The following CHRM3 variants were observed in gnomAD, a reference collection of about 807,000 sequenced individuals.
CHRM3 encodes cholinergic receptor muscarinic 3.
In CHRM3, 11 loss-of-function variants were observed where a neutral mutation model predicts 41.8. The observed-to-expected ratio is 0.26, with a 90% CI of 0.17 to 0.44. CHRM3 has a LOEUF of 0.44. Among genes scored for constraint, CHRM3 ranks in the 20% least tolerant of loss-of-function variants. The probability of loss-of-function intolerance (pLI) is 1.00; values close to 1 mark genes in which losing one functional copy is unlikely to be tolerated. For missense variants in CHRM3, 571 were observed against 745.4 expected (o/e 0.77, Z 2.72); for synonymous variants, 297 against 301.4 (o/e 0.99, Z 0.15).
intron 6 of CHRM3, among the ~76,000 whole-genome samples, chr1:239,839,218 C>T (rs1301240423): frequency 6.6e-6 from 1 of 152,184 alleles, no homozygotes; most frequent in Admixed American, 6.5e-5. Flanking sequence ...AGGACTGAAA[C>T]TTGGATAGGT....
At chr1:239,600,767 C>A (rs1026953339) in intron 3 of CHRM3, among the ~76,000 whole-genome samples, 4 of 150,420 alleles carry the variant, frequency 2.7e-5, no homozygotes, top group Non-Finnish European at 5.9e-5. Flanking sequence ...TTCCTTCCTT[C>A]CTTTTTCTTC....
intron 2 of CHRM3, among the ~76,000 whole-genome samples, chr1:239,535,272 T>G (rs764995804): frequency 6.6e-6 from 1 of 152,062 alleles, no homozygotes; most frequent in Non-Finnish European, 1.5e-5. Flanking sequence ...TTAAACTCAC[T>G]TGGAGAATTC....
At chr1:239,871,406 T>A (rs1428455114) in intron 6 of CHRM3, among the ~76,000 whole-genome samples, 1 of 152,070 alleles carries the variant, frequency 6.6e-6, no homozygotes, top group African/African-American at 2.4e-5. Flanking sequence ...CATGCCCAGC[T>A]AATTTTTGTA....
chr1:239,526,957 T>C (rs1330814322), intron 2 of CHRM3, among the ~76,000 whole-genome samples: 1 of 152,004 alleles, frequency 6.6e-6, no homozygotes, highest in Non-Finnish European at 1.5e-5. Flanking sequence ...CCTGTCTCTA[T>C]AAAGATATTT....
At chr1:239,482,527 T>C (rs1296854545) in intron 1 of CHRM3, among the ~76,000 whole-genome samples, 1 of 152,170 alleles carries the variant, frequency 6.6e-6, no homozygotes, top group Non-Finnish European at 1.5e-5. Flanking sequence ...ACTACTCTTC[T>C]CCTCACTGTC....
chr1:239,898,986 C>T (rs1160431617), intron 6 of CHRM3, among the ~76,000 whole-genome samples: 1 of 152,002 alleles, frequency 6.6e-6, no homozygotes, highest in Non-Finnish European at 1.5e-5. Context: ...ACTTTTTTGT[C>T]TTTTTTCACA....
chr1:239,401,705 A>G (rs571524073), intron 1 of CHRM3, among the ~76,000 whole-genome samples: 3 of 152,000 alleles, frequency 2.0e-5, no homozygotes, highest in Admixed American at 6.6e-5. Context: ...GTTGGCCAGG[A>G]TGGTCTCGAT....
intron 6 of CHRM3, among the ~76,000 whole-genome samples, chr1:239,854,385 AAAC>A (rs1324022273): frequency 6.6e-6 from 1 of 151,898 alleles, no homozygotes; most frequent in East Asian, 1.9e-4. Flanking sequence ...TGAACAACAA[AAAC>A]AACAACAACA....
chr1:239,517,418 G>T (rs986892220), intron 2 of CHRM3, among the ~76,000 whole-genome samples: 1 of 152,128 alleles, frequency 6.6e-6, no homozygotes, highest in African/African-American at 2.4e-5. Flanking sequence ...CAAGCTGCCC[G>T]ACTTCTCAAA....
At chr1:239,772,706 A>G (rs1315516580) in intron 5 of CHRM3, among the ~76,000 whole-genome samples, 1 of 151,952 alleles carries the variant, frequency 6.6e-6, no homozygotes, top group Non-Finnish European at 1.5e-5. Context: ...ACTGTACATG[A>G]TGCCTTTCTG....
chr1:239,752,990 T>A (rs912649369), intron 5 of CHRM3, among the ~76,000 whole-genome samples: 6 of 152,232 alleles, frequency 3.9e-5, no homozygotes, highest in Admixed American at 6.5e-5. Context: ...GCAATTTTTT[T>A]AAATTTCTCT....
chr1:239,764,635 A>T (rs1374379186), intron 5 of CHRM3, among the ~76,000 whole-genome samples: 1 of 152,360 alleles, frequency 6.6e-6, no homozygotes. Flanking sequence ...GTGCCTACAG[A>T]TGCCTGCTGC....
intron 3 of CHRM3, among the ~76,000 whole-genome samples, chr1:239,615,968 G>A (rs1667584314): frequency 6.6e-6 from 1 of 152,138 alleles, no homozygotes; most frequent in South Asian, 2.1e-4. Flanking sequence ...TCTCCAGTAA[G>A]CAACCTAATC....
intron 5 of CHRM3, among the ~76,000 whole-genome samples, chr1:239,812,510 G>C (rs979008335): frequency 6.6e-6 from 1 of 152,174 alleles, no homozygotes; most frequent in Non-Finnish European, 1.5e-5. Flanking sequence ...GGAGATTAGA[G>C]GGTTTTTGCA....
chr1:239,625,725 T>C lies in CHRM3; in HGVS notation c.-312-6499T>C, dbSNP rs1382805442. Among the ~76,000 whole-genome samples the C allele has an allele frequency of 5.3e-4, 15 of 28,440 alleles. 4 individuals carry two copies. Among genetic ancestry groups the C allele is most frequent in the Admixed American group, 1.7e-3 (5 of 2,984 alleles). 18.7% of individuals were successfully genotyped at this position (28,440 alleles called of 152,430 possible). A position where few individuals can be genotyped will look rare whatever the true frequency, so the allele number is the denominator to read the frequency against. On this transcript the variant is annotated intron_variant, in intron 3 of 6. Transcript: ENST00000676153. ...TTTAGCATGAAGGGTTGTTGAATTT[T>C]GTCAAAGGCTTTTTCTGCATCTATT...
chr1:239,568,275 G>A (rs925758679), intron 3 of CHRM3, among the ~76,000 whole-genome samples: 3 of 152,102 alleles, frequency 2.0e-5, no homozygotes, highest in African/African-American at 4.8e-5. Context: ...CACCTGTTAC[G>A]GGAGGGACCT....
At chr1:239,660,381 A>T (rs1673080014) in intron 4 of CHRM3, among the ~76,000 whole-genome samples, 1 of 151,996 alleles carries the variant, frequency 6.6e-6, no homozygotes, top group Admixed American at 6.6e-5. Context: ...TCAGCTTCTT[A>T]CAACTTTCTT....
chr1:239,881,100 G>A (rs1451768647), intron 6 of CHRM3, among the ~76,000 whole-genome samples: 6 of 151,864 alleles, frequency 4.0e-5, no homozygotes, highest in Non-Finnish European at 8.8e-5. Flanking sequence ...TGGCTAACAC[G>A]GTGAAACCCC....
At chr1:239,459,700 C>A (rs1161778194) in intron 1 of CHRM3, among the ~76,000 whole-genome samples, 1 of 152,114 alleles carries the variant, frequency 6.6e-6, no homozygotes, top group Non-Finnish European at 1.5e-5. Context: ...TCTTCTCTAA[C>A]CTAGAATTAT....
Sources: allele counts gnomAD v4.1 joint callset (sites outside exome capture counted in the v4.1 genomes callset), GRCh38; gene constraint gnomAD v4.1.1; transcripts MANE v1.5; gene names NCBI Gene and HGNC (gene_info 2026-07-23, HGNC 2026-07-21).